PCSK5: variants seen among roughly 807,000 people sequenced by gnomAD.
PCSK5 encodes the protein proprotein convertase subtilisin/kexin type 5, also known as prohormone convertase 5.
A neutral mutation model predicts 233.2 loss-of-function variants in PCSK5; 129 were observed. The observed-to-expected ratio is 0.55, with a 90% CI of 0.48 to 0.64. The LOEUF is 0.64. Among genes scored for constraint, PCSK5 ranks in the 30% least tolerant of loss-of-function variants. The pLI, the probability that PCSK5 is intolerant of heterozygous loss-of-function variation, is 0.00. For synonymous variants in PCSK5, 825 were observed against 879.2 expected (o/e 0.94, Z 1.09); for missense variants, 2,076 against 2,430.1 (o/e 0.85, Z 3.06).
intron 8 of PCSK5, among the ~76,000 whole-genome samples, chr9:76,102,060 T>G (rs1446744205): frequency 6.6e-6 from 1 of 152,220 alleles, no homozygotes; most frequent in Non-Finnish European, 1.5e-5. Flanking sequence ...AAACGTTGCT[T>G]CTGAAAAGGT....
At position 76,358,598 on chromosome 9, in the gene PCSK5, G is replaced by A. The variant is rs780488936; in HGVS notation, c.5340G>A (p.Leu1780=). The change falls in exon 38 of 38, where the codon CTG becomes CTA. Residue 1780 remains leucine (L), a synonymous_variant. Coordinates refer to ENST00000674117, the MANE Select transcript of PCSK5 (RefSeq NM_001372043.1). ...TALFITSSMM[L]VLLLGAAVVV... ...TGTTCATCACCTCCTCCATGATGCT[G>A]GTGCTTCTGCTCGGGGCAGCTGTGG... The A allele has an allele frequency of 6.2e-7, 1 of 1,612,810 alleles. No homozygotes were observed.
intron 5 of PCSK5, among the ~76,000 whole-genome samples, chr9:76,043,227 C>T (rs1024017413): frequency 6.6e-6 from 1 of 150,824 alleles, no homozygotes; most frequent in Non-Finnish European, 1.5e-5. Flanking sequence ...CGCCTGTAGT[C>T]CCAGAGGCTG....
At chr9:76,267,556 T>C (rs755157419) in intron 24 of PCSK5, among the ~76,000 whole-genome samples, 12 of 152,202 alleles carry the variant, frequency 7.9e-5, no homozygotes, top group Non-Finnish European at 1.5e-4. Flanking sequence ...GGTATTTGGC[T>C]GTTCACAGGA....
intron 28 of PCSK5, among the ~76,000 whole-genome samples, chr9:76,308,203 GA>G (rs1828761282): frequency 6.6e-6 from 1 of 151,702 alleles, no homozygotes; most frequent in African/African-American, 2.4e-5. Context: ...TCTCAAAAAA[GA>G]AAAGAAAAGA....
Position 76,289,469 on chromosome 9 carries a change from C to CCACACA in PCSK5, c.3143-2728_3143-2723dup, listed in dbSNP as rs201456283. On this transcript the variant is annotated intron_variant, in intron 24 of 37. Transcript: ENST00000674117. ...TAAGACTCCCTTCCCATTCCCCTCA[C>CCACACA]CACACACACACACACACACACACAC... Among the ~76,000 whole-genome samples, 259 of 129,928 alleles carry CCACACA rather than the reference C, an allele frequency of 2.0e-3. 2 individuals carry two copies. Among genetic ancestry groups the CCACACA allele is most frequent in the Middle Eastern group, 7.7e-3 (2 of 260 alleles). The allele number at this position is 129,928 out of a possible 152,430, so 85.2% of individuals were successfully genotyped here.
chr9:76,351,533 G>GAAAGAAAGA (rs1354864321), intron 36 of PCSK5, among the ~76,000 whole-genome samples: 400 of 15,706 alleles, frequency 0.025, 61 homozygotes, highest in African/African-American at 0.036. Context: ...AGAAAGAAAG[G>GAAAGAAAGA]AAGGAAAGAA....
chr9:76,064,154 C>G (rs1169166267), intron 5 of PCSK5, among the ~76,000 whole-genome samples: 1 of 128,964 alleles, frequency 7.8e-6, no homozygotes, highest in Admixed American at 7.0e-5. Context: ...CCACCTCCCT[C>G]CCGGACGGGG....
At chr9:75,995,854 CATA>C (rs1826999433) in intron 3 of PCSK5, among the ~76,000 whole-genome samples, 1 of 151,832 alleles carries the variant, frequency 6.6e-6, no homozygotes, top group South Asian at 2.1e-4. Flanking sequence ...AACAATATTT[CATA>C]ATATTTCTTT....
intron 20 of PCSK5, among the ~76,000 whole-genome samples, chr9:76,204,751 A>G (rs534603423): frequency 2.0e-5 from 3 of 152,316 alleles, no homozygotes; most frequent in African/African-American, 7.2e-5. Flanking sequence ...CTCAGTAAAC[A>G]GTTTTTTAAT....
chr9:76,072,757 A>C (rs936917052), intron 7 of PCSK5, among the ~76,000 whole-genome samples: 1 of 152,136 alleles, frequency 6.6e-6, no homozygotes, highest in Non-Finnish European at 1.5e-5. Context: ...TTCCTCCTGC[A>C]TAGCTCCCGT....
chr9:75,923,041 A>G (rs1049569638), intron 1 of PCSK5, among the ~76,000 whole-genome samples: 3 of 152,196 alleles, frequency 2.0e-5, no homozygotes, highest in Non-Finnish European at 2.9e-5. Context: ...GGGTGGGGAT[A>G]CTATGTTAGT....
chr9:76,012,138 A>G (rs1479807745), intron 3 of PCSK5, among the ~76,000 whole-genome samples: 2 of 152,216 alleles, frequency 1.3e-5, no homozygotes, highest in South Asian at 2.1e-4. Flanking sequence ...CACACACACA[A>G]GCAAATGAAT....
chr9:76,139,035 C>A (rs1823093169), intron 10 of PCSK5, among the ~76,000 whole-genome samples: 2 of 151,976 alleles, frequency 1.3e-5, no homozygotes, highest in Admixed American at 6.6e-5. Flanking sequence ...TCTAACATGA[C>A]TTCTTAGCCT....
intron 24 of PCSK5, among the ~76,000 whole-genome samples, chr9:76,258,142 C>G (rs1219895168): frequency 1.3e-5 from 2 of 152,068 alleles, no homozygotes; most frequent in Non-Finnish European, 2.9e-5. Flanking sequence ...GGCATTATCT[C>G]CAGAGGGGTA....
chr9:76,219,160 T>C (rs1825641320), intron 20 of PCSK5, among the ~76,000 whole-genome samples: 1 of 152,172 alleles, frequency 6.6e-6, no homozygotes, highest in African/African-American at 2.4e-5. Context: ...CTCTTTTCTC[T>C]TAATTAGAGA....
chr9:75,894,250 A>G (rs2131180959), intron 1 of PCSK5, among the ~76,000 whole-genome samples: 1 of 152,316 alleles, frequency 6.6e-6, no homozygotes, highest in Admixed American at 6.5e-5. Flanking sequence ...TCACCACAGT[A>G]AAGGTATAGT....
At chr9:75,981,148 C>T (rs1366341796) in intron 2 of PCSK5, among the ~76,000 whole-genome samples, 1 of 152,160 alleles carries the variant, frequency 6.6e-6, no homozygotes, top group Non-Finnish European at 1.5e-5. Flanking sequence ...ATATTAATCT[C>T]GTATCTTCAC....
intron 2 of PCSK5, among the ~76,000 whole-genome samples, chr9:75,955,191 G>A (rs1255777575): frequency 2.0e-5 from 3 of 152,136 alleles, no homozygotes; most frequent in African/African-American, 2.4e-5. Flanking sequence ...AAACAGACTC[G>A]GAGAGGCCCG....
chr9:76,068,400 T>C (rs1276435727), intron 6 of PCSK5, among the ~76,000 whole-genome samples: 1 of 152,180 alleles, frequency 6.6e-6, no homozygotes, highest in Non-Finnish European at 1.5e-5. Context: ...AATATCTCTA[T>C]GGAAAGAAGC....
Sources: gnomAD v4.1 joint callset for allele counts (sites outside exome capture counted in the v4.1 genomes callset) on GRCh38, gnomAD v4.1.1 for gene constraint, MANE v1.5 for transcripts, NCBI Gene and HGNC (gene_info 2026-07-23, HGNC 2026-07-21) for gene names.